ABLIM1: variants seen among roughly 807,000 people sequenced by gnomAD.
ABLIM1 encodes actin-binding LIM protein 1.
A neutral mutation model predicts 107.0 loss-of-function variants in ABLIM1; 40 were observed. The observed-to-expected ratio is 0.37, with a 90% CI of 0.29 to 0.49. ABLIM1 has a LOEUF of 0.49. Ranked by LOEUF, ABLIM1 falls within the 20% of genes least tolerant of loss-of-function variation. ABLIM1 has a pLI of 0.97. For synonymous variants in ABLIM1, 357 were observed against 357.3 expected (o/e 1.00, Z 0.01); for missense variants, 857 against 1,008.5 (o/e 0.85, Z 2.04).
At chr10:114,550,814 C>T (rs974092136) in intron 4 of ABLIM1, among the ~76,000 whole-genome samples, 1 of 152,162 alleles carries the variant, frequency 6.6e-6, no homozygotes, top group African/African-American at 2.4e-5. Flanking sequence ...CCAAGTCTAA[C>T]TGAAATTTTT....
Position 114,447,918 on chromosome 10 carries a change from G to C in ABLIM1, c.1697C>G (p.Thr566Arg). ...PDPSETPKIE[T>R]DHWPGPPSFA... ...TGAGGGGGGACCAGGCCAGTGGTCC[G>C]TCTCAATCTTTGGTGTCTCGCTGGG... The change falls in exon 15 of 23, where the codon ACG becomes AGG. Residue 566 changes from threonine (T) to arginine (R), a missense_variant. Thr to Arg is a moderately conservative substitution (Grantham distance 71). This residue lies in a region of ABLIM1 where 103 missense variants were observed against 101.0 expected (regional missense o/e 1.02). Transcript: ENST00000533213. 1 of 1,614,132 alleles carries C rather than the reference G, an allele frequency of 6.2e-7. No homozygotes were observed. The highest frequency in any genetic ancestry group is 1.3e-5 in the African/African-American group (1 of 75,034).
chr10:114,653,995 C>A (rs931557660), intron 1 of ABLIM1, among the ~76,000 whole-genome samples: 1 of 152,220 alleles, frequency 6.6e-6, no homozygotes, highest in African/African-American at 2.4e-5. Flanking sequence ...GAGCACCAGA[C>A]AATAACAGGA....
At chr10:114,742,601 C>T (rs1047735788) in intron 1 of ABLIM1, among the ~76,000 whole-genome samples, 4 of 152,100 alleles carry the variant, frequency 2.6e-5, no homozygotes, top group African/African-American at 4.8e-5. Flanking sequence ...TTTAGTGTGC[C>T]GCAGTTTTCT....
At chr10:114,789,979 G>C in the ABLIM1 span, among the ~76,000 whole-genome samples, 1 of 152,158 alleles carries the variant, frequency 6.6e-6, no homozygotes, top group African/African-American at 2.4e-5. Flanking sequence ...TTTTAGTAGA[G>C]ATGGCGTTTC....
intron 6 of ABLIM1, among the ~76,000 whole-genome samples, chr10:114,530,542 T>C (rs570371155): frequency 6.6e-6 from 1 of 152,274 alleles, no homozygotes; most frequent in South Asian, 2.1e-4. Context: ...TTTATTTATT[T>C]ATTTATTTTG....
At chr10:114,761,983 G>GCTCTCT (rs144008972) in intron 1 of ABLIM1, among the ~76,000 whole-genome samples, 4,445 of 145,658 alleles carry the variant, frequency 0.031, 88 homozygotes, top group Middle Eastern at 0.09. Context: ...TATCCCATAT[G>GCTCTCT]CTCTCTCTCT....
chr10:114,596,819 C>T (rs1011593013), intron 2 of ABLIM1, among the ~76,000 whole-genome samples: 1 of 152,164 alleles, frequency 6.6e-6, no homozygotes, highest in Non-Finnish European at 1.5e-5. Flanking sequence ...AGAGTTCATC[C>T]TTGCTTTTCA....
At chr10:114,650,010 C>A (rs1040692917) in intron 1 of ABLIM1, among the ~76,000 whole-genome samples, 1 of 152,146 alleles carries the variant, frequency 6.6e-6, no homozygotes, top group Non-Finnish European at 1.5e-5. Context: ...CGCCCACCAC[C>A]ATGCCAGGCT....
At chr10:114,640,539 CCAACAA>C (rs147389561) in intron 1 of ABLIM1, among the ~76,000 whole-genome samples, 65 of 151,194 alleles carry the variant, frequency 4.3e-4, no homozygotes, top group Non-Finnish European at 6.2e-4. Context: ...AACAAACAAA[CCAACAA>C]CAACAACAAC....
At chr10:114,752,617 T>C (rs2082540272) in intron 1 of ABLIM1, among the ~76,000 whole-genome samples, 1 of 152,126 alleles carries the variant, frequency 6.6e-6, no homozygotes, top group Non-Finnish European at 1.5e-5. Flanking sequence ...CAGGCCCCAG[T>C]GTGTGTTGTT....
At chr10:114,645,823 A>G (rs1174698456) in intron 1 of ABLIM1, among the ~76,000 whole-genome samples, 2 of 152,046 alleles carry the variant, frequency 1.3e-5, no homozygotes, top group Non-Finnish European at 2.9e-5. Context: ...TGCCCCCAAA[A>G]TGTCCTTTTG....
chr10:114,458,623 A>G (rs2063285324), intron 12 of ABLIM1, among the ~76,000 whole-genome samples: 1 of 152,214 alleles, frequency 6.6e-6, no homozygotes, highest in South Asian at 2.1e-4. Flanking sequence ...TCTTGTCTAA[A>G]GCGTCAATAA....
chr10:114,491,880 T>A lies in ABLIM1; in HGVS notation c.895-2A>T. On this transcript the variant is annotated splice_acceptor_variant, in intron 6 of 22. Coordinates refer to ENST00000533213, the MANE Select transcript of ABLIM1 (RefSeq NM_002313.7). LOFTEE classifies it high-confidence loss of function. ...GGGGTGGTAATGTTTGTCACCTGCC[T>A]GCAAGAGAAAAGGTAGGGAACGTTG... 6.2e-7 allele frequency: 1 copy of A among 1,604,896 alleles called. No homozygotes were observed.
At chr10:114,734,912 C>T (rs778843729) in intron 1 of ABLIM1, among the ~76,000 whole-genome samples, 4 of 152,054 alleles carry the variant, frequency 2.6e-5, no homozygotes, top group East Asian at 3.9e-4. Flanking sequence ...ATTAAGTAAA[C>T]GTAGGAAAGT....
chr10:114,523,368 C>T (rs2064077968), intron 6 of ABLIM1, among the ~76,000 whole-genome samples: 1 of 152,056 alleles, frequency 6.6e-6, no homozygotes, highest in Non-Finnish European at 1.5e-5. Context: ...TGGGCAGCAC[C>T]ACCTGACTCC....
At chr10:114,474,780 T>C (rs944073308) in intron 8 of ABLIM1, among the ~76,000 whole-genome samples, 7 of 152,194 alleles carry the variant, frequency 4.6e-5, no homozygotes, top group African/African-American at 1.7e-4. Context: ...TCACCTTGAA[T>C]TGTAATAATC....
At chr10:114,496,960 G>A (rs1261764290) in intron 6 of ABLIM1, among the ~76,000 whole-genome samples, 2 of 152,332 alleles carry the variant, frequency 1.3e-5, no homozygotes, top group East Asian at 3.9e-4. Flanking sequence ...GAGAAGCCAT[G>A]TGCACAAGGC....
At chr10:114,456,534 A>G (rs750283396) in intron 12 of ABLIM1, among the ~76,000 whole-genome samples, 20 of 152,146 alleles carry the variant, frequency 1.3e-4, no homozygotes, top group Non-Finnish European at 2.6e-4. Flanking sequence ...ATAGACCTCC[A>G]CTGTCCTTGC....
rs529076994 is a variant in ABLIM1 at position 114,468,839 on chromosome 10, C to T, written c.1276-623G>A. 3.3e-5 allele frequency among the ~76,000 whole-genome samples: 5 copies of T among 151,862 alleles called. No individual in the cohort carries two copies. In the South Asian group the frequency reaches 6.2e-4, roughly 19 times the overall value. On this transcript the variant is annotated intron_variant, in intron 10 of 22. Coordinates refer to ENST00000533213, the MANE Select transcript of ABLIM1 (RefSeq NM_002313.7). ...GGCTGAGGCTGGCGGACCACAAGGT[C>T]AGGAGATCGAGACCATCCTGGCTAA...
Sources: gnomAD v4.1 joint callset for allele counts (sites outside exome capture counted in the v4.1 genomes callset) on GRCh38, gnomAD v4.1.1 for gene constraint, gnomAD v4.1.1 regional missense constraint, MANE v1.5 for transcripts, NCBI Gene and HGNC (gene_info 2026-07-23, HGNC 2026-07-21) for gene names.